Variants in STK39 observed in about 807,000 individuals in gnomAD.
STK39 encodes the protein serine/threonine kinase 39.
STK39 carries 20 observed loss-of-function variants against 77.8 expected under a neutral mutation model. The ratio of observed to expected loss-of-function variants is 0.26; its 90% CI spans 0.18 to 0.37. The LOEUF (loss-of-function observed/expected upper bound fraction) is 0.37. STK39 is among the 10% of genes least tolerant of loss of function. The pLI, the probability that STK39 is intolerant of heterozygous loss-of-function variation, is 1.00. For missense variants in STK39, 479 were observed against 656.5 expected (o/e 0.73, Z 2.95); for synonymous variants, 246 against 234.1 (o/e 1.05, Z -0.47).
chr2:168,022,499 C>A (rs756803344), intron 14 of STK39, among the ~76,000 whole-genome samples: 3 of 152,144 alleles, frequency 2.0e-5, no homozygotes, highest in Admixed American at 6.5e-5. Flanking sequence ...TCAGTGCCTG[C>A]AGGTTATGGC....
Position 167,971,647 on chromosome 2 carries a change from G to A in STK39, c.1499-6921C>T, listed in dbSNP as rs1168358661. Among the ~76,000 whole-genome samples, 4 of 152,296 alleles carry A rather than the reference G, an allele frequency of 2.6e-5. No homozygotes were observed. The East Asian group carries it at 5.8e-4, about 22-fold the overall frequency. ...AAGGTAACTTACTGCGGAATGTTCT[G>A]AATAAACAGCAATGCATGGAAGTGC... On this transcript the variant is annotated intron_variant, in intron 16 of 17. Transcript: ENST00000355999.
intron 14 of STK39, among the ~76,000 whole-genome samples, chr2:168,057,419 C>G (rs921221848): frequency 3.0e-4 from 45 of 152,226 alleles, no homozygotes; most frequent in Non-Finnish European, 6.3e-4. Context: ...TCTCGAACTC[C>G]TGACCTCAAG....
At chr2:168,222,881 T>C (rs1342985959) in intron 1 of STK39, among the ~76,000 whole-genome samples, 3 of 152,332 alleles carry the variant, frequency 2.0e-5, no homozygotes, top group Non-Finnish European at 2.9e-5. Context: ...CATTGGGTTG[T>C]TGTATGGACT....
rs188902598 is a variant in STK39, at chr2:168,012,591, T to C, written c.1498+43A>G. On this transcript the variant is annotated intron_variant, in intron 16 of 17. Coordinates refer to ENST00000355999, the MANE Select transcript of STK39 (RefSeq NM_013233.3). ...TTTGCTTCCAAACACATTTCCATTTTATATACCAACAAAATGACAGTGCAT... is the reference window on the plus strand; with the variant it reads ...TTTGCTTCCAAACACATTTCCATTTCATATACCAACAAAATGACAGTGCAT... 185 of 1,547,232 alleles carry C rather than the reference T, an allele frequency of 1.2e-4. 1 individual carries two copies. In the East Asian group the frequency reaches 4.1e-3, roughly 35 times the overall value.
intron 16 of STK39, among the ~76,000 whole-genome samples, chr2:167,998,573 A>G (rs1354724386): frequency 2.0e-5 from 3 of 152,216 alleles, no homozygotes; most frequent in Non-Finnish European, 4.4e-5. Context: ...CCCTTTGGTT[A>G]CCAATTAATA....
chr2:168,198,582 T>C (rs1284562197), intron 1 of STK39, among the ~76,000 whole-genome samples: 1 of 152,228 alleles, frequency 6.6e-6, no homozygotes, highest in Admixed American at 6.5e-5. Flanking sequence ...AGGAATTATT[T>C]ACCGATGATA....
intron 16 of STK39, among the ~76,000 whole-genome samples, chr2:167,977,573 G>GAAAAAAA (rs749526454): frequency 8.0e-6 from 1 of 124,338 alleles, no homozygotes. Context: ...ACTTGCTTCG[G>GAAAAAAA]AAAAAAAAAA....
intron 13 of STK39, among the ~76,000 whole-genome samples, chr2:168,064,561 A>T (rs990303749): frequency 6.6e-6 from 1 of 152,184 alleles, no homozygotes; most frequent in African/African-American, 2.4e-5. Context: ...AAGCCAACAA[A>T]ATCACTCTAA....
chr2:168,048,750 C>T (rs1685317364), intron 14 of STK39, among the ~76,000 whole-genome samples: 1 of 152,186 alleles, frequency 6.6e-6, no homozygotes, highest in Non-Finnish European at 1.5e-5. Context: ...TAGCTACCTT[C>T]TGTAATTAGC....
At chr2:168,070,398 T>G (rs111677333) in intron 12 of STK39, among the ~76,000 whole-genome samples, 89 of 152,256 alleles carry the variant, frequency 5.8e-4, no homozygotes, top group African/African-American at 2.1e-3. Context: ...TATCTACTTG[T>G]TATAAATTAT....
At chr2:168,136,230 G>A (rs780469597) in intron 8 of STK39, among the ~76,000 whole-genome samples, 1 of 151,720 alleles carries the variant, frequency 6.6e-6, no homozygotes, top group Non-Finnish European at 1.5e-5. Flanking sequence ...TTAGCCTGGC[G>A]TGGTGACACA....
At chr2:168,230,841 C>T (rs1017300301) in intron 1 of STK39, among the ~76,000 whole-genome samples, 2 of 152,134 alleles carry the variant, frequency 1.3e-5, no homozygotes, top group African/African-American at 4.8e-5. Flanking sequence ...CTTGGAAATG[C>T]CCCCAAGTTC....
intron 1 of STK39, among the ~76,000 whole-genome samples, chr2:168,210,416 C>G (rs886541986): frequency 1.3e-5 from 2 of 152,150 alleles, no homozygotes; most frequent in African/African-American, 4.8e-5. Context: ...ATTAAAATTT[C>G]TAACTTAGAG....
intron 2 of STK39, among the ~76,000 whole-genome samples, chr2:168,180,425 A>G (rs1437106745): frequency 6.7e-6 from 1 of 149,744 alleles, no homozygotes; most frequent in Non-Finnish European, 1.5e-5. Context: ...ATATATTTAA[A>G]TGCACACTCC....
chr2:168,073,572 A>G (rs571493669), intron 12 of STK39, among the ~76,000 whole-genome samples: 1 of 152,296 alleles, frequency 6.6e-6, no homozygotes, highest in East Asian at 1.9e-4. Context: ...AATGTGTTCC[A>G]CGTGGGGCTC....
At chr2:167,976,402 CAGTT>C (rs746613526) in intron 16 of STK39, among the ~76,000 whole-genome samples, 4 of 152,104 alleles carry the variant, frequency 2.6e-5, no homozygotes, top group Non-Finnish European at 4.4e-5. Flanking sequence ...CTTTGGAAGA[CAGTT>C]AGGTTATATT....
chr2:167,990,525 A>T lies in STK39; in HGVS notation c.1498+22109T>A, dbSNP rs142675682. On this transcript the variant is annotated intron_variant, in intron 16 of 17. Coordinates refer to ENST00000355999, the MANE Select transcript of STK39 (RefSeq NM_013233.3). Reference sequence around the variant, plus strand: ...ATTCTTGCCTGGGTAATGTAGTAAAAAACGATTGCACATCCAGCTTCTGGT... The same window carrying T: ...ATTCTTGCCTGGGTAATGTAGTAAATAACGATTGCACATCCAGCTTCTGGT... Among the ~76,000 whole-genome samples the T allele has an allele frequency of 4.5e-3, 678 of 152,320 alleles. 6 individuals carry two copies. Among genetic ancestry groups the T allele is most frequent in the African/African-American group, 0.016 (645 of 41,568 alleles).
Position 167,997,907 on chromosome 2 carries a change from T to C in STK39, c.1498+14727A>G, listed in dbSNP as rs192863350. Among the ~76,000 whole-genome samples, 15 of 152,330 alleles carry C rather than the reference T, an allele frequency of 9.8e-5. No individual in the cohort carries two copies. The East Asian group carries it at 2.5e-3, about 25-fold the overall frequency. ...TGAGACACAGAAAAACCGATTTTACTAAAATTCAACCATAACCAACCAATC... is the reference window on the plus strand; with the variant it reads ...TGAGACACAGAAAAACCGATTTTACCAAAATTCAACCATAACCAACCAATC... On this transcript the variant is annotated intron_variant, in intron 16 of 17. Coordinates refer to ENST00000355999, the MANE Select transcript of STK39 (RefSeq NM_013233.3).
intron 14 of STK39, among the ~76,000 whole-genome samples, chr2:168,042,780 A>G (rs1321672459): frequency 6.6e-6 from 1 of 151,880 alleles, no homozygotes; most frequent in Non-Finnish European, 1.5e-5. Context: ...GGGCTTCACC[A>G]TCTTGGCCAG....
Sources: gnomAD v4.1 joint callset for allele counts (sites outside exome capture counted in the v4.1 genomes callset) on GRCh38, gnomAD v4.1.1 for gene constraint, MANE v1.5 for transcripts, NCBI Gene and HGNC (gene_info 2026-07-23, HGNC 2026-07-21) for gene names.